CCDC148: variants seen among roughly 807,000 people sequenced by gnomAD.
CCDC148 encodes the protein coiled-coil domain-containing protein 148.
A neutral mutation model predicts 85.7 loss-of-function variants in CCDC148; 89 were observed. The ratio of observed to expected loss-of-function variants is 1.04; its 90% CI spans 0.87 to 1.24. The LOEUF (loss-of-function observed/expected upper bound fraction) is 1.24. CCDC148 is among the 50% of genes most tolerant of loss of function. The pLI, the probability that CCDC148 is intolerant of heterozygous loss-of-function variation, is 0.00. For synonymous variants in CCDC148, 230 were observed against 213.9 expected, an observed-to-expected ratio of 1.08 and a Z score of -0.66; for missense variants, 692 against 671.7, an observed-to-expected ratio of 1.03 and a Z score of -0.33.
intron 1 of CCDC148, among the ~76,000 whole-genome samples, chr2:158,416,444 T>C (rs1413699288): frequency 1.3e-5 from 2 of 152,228 alleles, no homozygotes; most frequent in African/African-American, 2.4e-5. Flanking sequence ...AGGCCACATC[T>C]TGAATGCTTT....
At chr2:158,339,594 A>G (rs1224260551) in intron 5 of CCDC148, among the ~76,000 whole-genome samples, 1 of 152,218 alleles carries the variant, frequency 6.6e-6, no homozygotes, top group African/African-American at 2.4e-5. Context: ...ATAAAAAAAT[A>G]TGTAAGAAAG....
At position 158,340,798 on chromosome 2, in the gene CCDC148, T is replaced by G. The variant is rs184773834; in HGVS notation, c.252-118A>C. On this transcript the variant is annotated intron_variant, in intron 3 of 13. Transcript: ENST00000283233. ...CTTTGTCATCTGTTCATTTAAACCA[T>G]GTACTAAATTCCTAACATGGCTTGA... The G allele has an allele frequency of 2.5e-4, 160 of 641,466 alleles. 1 individual carries two copies. In the Middle Eastern group the frequency reaches 4.8e-3, roughly 19 times the overall value. The allele number at this position is 641,466 out of a possible 1,614,324, so 39.7% of individuals were successfully genotyped here.
chr2:158,416,958 C>T (rs1356270615), intron 1 of CCDC148, among the ~76,000 whole-genome samples: 1 of 152,124 alleles, frequency 6.6e-6, no homozygotes, highest in African/African-American at 2.4e-5. Flanking sequence ...AAGAAACTTA[C>T]AATCATGGCA....
At chr2:158,183,471 C>T (rs1685004419) in intron 11 of CCDC148, among the ~76,000 whole-genome samples, 1 of 152,136 alleles carries the variant, frequency 6.6e-6, no homozygotes, top group Non-Finnish European at 1.5e-5. Context: ...TCTGGAGTCA[C>T]AGCTAACTTT....
rs75365149 is a variant in CCDC148, at chr2:158,267,481, G to A, written c.1111-16569C>T. Among the ~76,000 whole-genome samples the A allele has an allele frequency of 2.2e-3, 338 of 152,158 alleles. 1 individual carries two copies. Among genetic ancestry groups the A allele is most frequent in the African/African-American group, 7.5e-3 (312 of 41,500 alleles). On this transcript the variant is annotated intron_variant, in intron 9 of 13. Transcript: ENST00000283233. ...AAAATTTTATTTTACAGTTGCCTTC[G>A]CTATCAGAAAATACAGGTTTTTAAG...
intron 1 of CCDC148, among the ~76,000 whole-genome samples, chr2:158,404,291 A>T (rs1281527076): frequency 6.6e-6 from 1 of 152,120 alleles, no homozygotes; most frequent in African/African-American, 2.4e-5. Context: ...CAGCATAGTC[A>T]TGTATCATGG....
At chr2:158,434,736 T>G (rs1687554665) in intron 1 of CCDC148, among the ~76,000 whole-genome samples, 1 of 152,140 alleles carries the variant, frequency 6.6e-6, no homozygotes, top group Non-Finnish European at 1.5e-5. Flanking sequence ...TGAAAAAAGA[T>G]GAGACGAATG....
At chr2:158,280,028 G>C (rs1207345995) in intron 9 of CCDC148, among the ~76,000 whole-genome samples, 1 of 151,628 alleles carries the variant, frequency 6.6e-6, no homozygotes, top group Non-Finnish European at 1.5e-5. Context: ...GCCAAACTAA[G>C]CTTCATAAGT....
At chr2:158,388,793 CTCTT>C (rs2105294993) in intron 1 of CCDC148, among the ~76,000 whole-genome samples, 1 of 152,272 alleles carries the variant, frequency 6.6e-6, no homozygotes, top group East Asian at 1.9e-4. Context: ...CCACACTGGC[CTCTT>C]TCTATGTTTA....
At chr2:158,398,688 G>A (rs546360078) in intron 1 of CCDC148, among the ~76,000 whole-genome samples, 10 of 151,992 alleles carry the variant, frequency 6.6e-5, no homozygotes, top group Non-Finnish European at 1.2e-4. Context: ...ATCTAAAATC[G>A]ACACCATAAC....
At chr2:158,294,002 CTCCTTCCTTCCTTCCTTCCT>C (rs1185894027) in intron 9 of CCDC148, among the ~76,000 whole-genome samples, 2,004 of 14,856 alleles carry the variant, frequency 0.13, 383 homozygotes, top group East Asian at 0.28. Flanking sequence ...CCCTCCCTCC[CTCCTTCCTTCCTTCCTTCCT>C]TCCTTCCTTC....
intron 9 of CCDC148, among the ~76,000 whole-genome samples, chr2:158,261,139 C>T (rs1689204088): frequency 6.6e-6 from 1 of 151,962 alleles, no homozygotes; most frequent in Non-Finnish European, 1.5e-5. Flanking sequence ...CTACAGTAAC[C>T]AAAACAACAT....
chr2:158,357,852 T>C (rs1267721314), intron 2 of CCDC148, among the ~76,000 whole-genome samples: 3 of 152,212 alleles, frequency 2.0e-5, no homozygotes, highest in Non-Finnish European at 4.4e-5. Flanking sequence ...ACCTGTTTTT[T>C]GATGCAGCCA....
chr2:158,255,012 T>C (rs2105146012), intron 9 of CCDC148, among the ~76,000 whole-genome samples: 1 of 149,062 alleles, frequency 6.7e-6, no homozygotes, highest in African/African-American at 2.4e-5. Flanking sequence ...GATAAAGTTA[T>C]GTTGATTTTT....
intron 11 of CCDC148, among the ~76,000 whole-genome samples, chr2:158,201,459 G>C (rs1279148363): frequency 6.6e-6 from 1 of 151,872 alleles, no homozygotes; most frequent in Non-Finnish European, 1.5e-5. Flanking sequence ...ACCCAGGCTG[G>C]AGTGCAGTAT....
intron 1 of CCDC148, among the ~76,000 whole-genome samples, chr2:158,426,696 G>A (rs953416045): frequency 6.6e-6 from 1 of 152,106 alleles, no homozygotes; most frequent in South Asian, 2.1e-4. Flanking sequence ...AGTTAATCTT[G>A]TGCAACCAAT....
At chr2:158,217,469 C>G (rs1574422049) in intron 11 of CCDC148, among the ~76,000 whole-genome samples, 1 of 151,462 alleles carries the variant, frequency 6.6e-6, no homozygotes, top group Admixed American at 6.6e-5. Flanking sequence ...GTAGCACGAT[C>G]TCAGCTCACT....
At chr2:158,369,788 TATG>T (rs1218371985) in intron 1 of CCDC148, among the ~76,000 whole-genome samples, 1 of 152,180 alleles carries the variant, frequency 6.6e-6, no homozygotes, top group Non-Finnish European at 1.5e-5. Flanking sequence ...GCCCATTCAG[TATG>T]ATATTAGCTG....
intron 9 of CCDC148, among the ~76,000 whole-genome samples, chr2:158,269,466 C>T (rs1689607324): frequency 1.3e-5 from 2 of 152,128 alleles, no homozygotes; most frequent in African/African-American, 4.8e-5. Flanking sequence ...TTTCTCTGCC[C>T]TCCAACCCCC....
Sources: allele counts gnomAD v4.1 joint callset (sites outside exome capture counted in the v4.1 genomes callset), GRCh38; gene constraint gnomAD v4.1.1; transcripts MANE v1.5; gene names NCBI Gene and HGNC (gene_info 2026-07-23, HGNC 2026-07-21).